The following PHF24 variants were observed in gnomAD, a reference collection of about 807,000 sequenced individuals.
PHF24 encodes the protein Galpha inhibitory interacting protein.
Under a neutral mutation model 42.6 loss-of-function variants are expected in PHF24, and 25 were observed. The observed-to-expected ratio is 0.59, with a 90% CI of 0.43 to 0.82. PHF24 has a LOEUF of 0.82. Among genes scored for constraint, PHF24 ranks in the 40% least tolerant of loss-of-function variants. The pLI, the probability that PHF24 is intolerant of heterozygous loss-of-function variation, is 0.00. For synonymous variants in PHF24, 185 were observed against 204.8 expected (o/e 0.90, Z 0.83); for missense variants, 470 against 538.1 (o/e 0.87, Z 1.25).
At chr9:34,714,507 C>T in the PHF24 span, among the ~76,000 whole-genome samples, 5 of 152,320 alleles carry the variant, frequency 3.3e-5, 1 homozygote, top group South Asian at 1.0e-3. Context: ...AGAAGCAACA[C>T]GCCAGACCGC....
At chr9:34,797,861 C>G in the PHF24 span, among the ~76,000 whole-genome samples, 6 of 152,056 alleles carry the variant, frequency 3.9e-5, no homozygotes, top group South Asian at 8.3e-4. Flanking sequence ...GGACCATGCC[C>G]TCCTCTACCC....
At chr9:34,697,228 T>C in the PHF24 span, among the ~76,000 whole-genome samples, 2 of 152,352 alleles carry the variant, frequency 1.3e-5, no homozygotes, top group South Asian at 2.1e-4. Flanking sequence ...CAAACTTTAA[T>C]GTGTGCATGA....
At chr9:34,805,082 A>G in the PHF24 span, among the ~76,000 whole-genome samples, 1 of 152,198 alleles carries the variant, frequency 6.6e-6, no homozygotes, top group Admixed American at 6.5e-5. Context: ...GTATGGATAT[A>G]CCATATTTTG....
chr9:34,937,088 G>T, the PHF24 span, among the ~76,000 whole-genome samples: 3 of 116,030 alleles, frequency 2.6e-5, no homozygotes, highest in Non-Finnish European at 5.5e-5. Flanking sequence ...CCTCTGCCCC[G>T]GCCGCCCCTA....
At chr9:34,919,116 T>C in the PHF24 span, among the ~76,000 whole-genome samples, 168 of 152,354 alleles carry the variant, frequency 1.1e-3, no homozygotes, top group Admixed American at 2.2e-3. Flanking sequence ...CAGACAGTGC[T>C]GAAAGTTCCC....
chr9:34,806,787 G>A, the PHF24 span, among the ~76,000 whole-genome samples: 1,715 of 152,182 alleles, frequency 0.011, 34 homozygotes, highest in African/African-American at 0.037. Flanking sequence ...AAACTTATTC[G>A]TAAGTATTTT....
the PHF24 span, among the ~76,000 whole-genome samples, chr9:34,849,657 G>C: frequency 6.6e-6 from 1 of 152,136 alleles, no homozygotes; most frequent in African/African-American, 2.4e-5. Flanking sequence ...ATATTAGCTG[G>C]TTATTTTGCT....
the PHF24 span, among the ~76,000 whole-genome samples, chr9:34,797,501 G>A: frequency 1.3e-5 from 2 of 152,126 alleles, no homozygotes; most frequent in African/African-American, 4.8e-5. Flanking sequence ...GTTCTCCCCC[G>A]GAGTCGGGCA....
At chr9:34,746,776 C>A in the PHF24 span, among the ~76,000 whole-genome samples, 1 of 152,074 alleles carries the variant, frequency 6.6e-6, no homozygotes, top group Non-Finnish European at 1.5e-5. Flanking sequence ...AATAATAAAC[C>A]TTTTTATACC....
At chr9:34,854,202 T>TTTTC in the PHF24 span, among the ~76,000 whole-genome samples, 1 of 151,306 alleles carries the variant, frequency 6.6e-6, no homozygotes, top group Admixed American at 6.6e-5. Flanking sequence ...ATCTATTTTT[T>TTTTC]TTTTTTTTTC....
At chr9:34,928,996 G>A in the PHF24 span, among the ~76,000 whole-genome samples, 16 of 152,226 alleles carry the variant, frequency 1.1e-4, no homozygotes, top group African/African-American at 3.9e-4. Context: ...CATGATTTCA[G>A]CAGCACTCCC....
exon 2 of PHF24, chr9:34,971,538 G>A (rs760178974): frequency 1.2e-6 from 2 of 1,614,188 alleles, no homozygotes; most frequent in East Asian, 2.2e-5. Context: ...CAGCCTGGGA[G>A]CGGCTCCGAG....
exon 3 of PHF24, chr9:34,972,424 G>A: frequency 6.2e-7 from 1 of 1,614,138 alleles, no homozygotes; most frequent in Non-Finnish European, 8.5e-7. Context: ...CTGCACCAGG[G>A]TTTTCCATGA....
At chr9:34,918,619 T>C in the PHF24 span, among the ~76,000 whole-genome samples, 20 of 152,320 alleles carry the variant, frequency 1.3e-4, no homozygotes, top group African/African-American at 3.6e-4. Flanking sequence ...GCAGTGGTTA[T>C]TTTGGTAAGT....
chr9:34,937,041 C>CGA, the PHF24 span, among the ~76,000 whole-genome samples: 1 of 128,426 alleles, frequency 7.8e-6, no homozygotes, highest in African/African-American at 2.8e-5. Flanking sequence ...TCAGCCCCCC[C>CGA]CCCGGGCCAG....
chr9:34,759,091 C>T, the PHF24 span, among the ~76,000 whole-genome samples: 1 of 152,136 alleles, frequency 6.6e-6, no homozygotes, highest in African/African-American at 2.4e-5. Context: ...GACACAAATG[C>T]CAGGTGTTTC....
At chr9:34,965,620 A>G (rs1029607539) in intron 1 of PHF24, among the ~76,000 whole-genome samples, 2 of 152,222 alleles carry the variant, frequency 1.3e-5, no homozygotes, top group African/African-American at 4.8e-5. Flanking sequence ...GACCATGGAG[A>G]TAGCTTCATA....
chr9:34,974,024 T>C (rs1563934844), intron 3 of PHF24, among the ~76,000 whole-genome samples: 1 of 152,146 alleles, frequency 6.6e-6, no homozygotes, highest in Non-Finnish European at 1.5e-5. Flanking sequence ...TTTCTTTTTA[T>C]GAGACAGGGT....
chr9:34,962,357 C>CTT (rs113570241), intron 1 of PHF24, among the ~76,000 whole-genome samples: 8 of 143,516 alleles, frequency 5.6e-5, no homozygotes, highest in African/African-American at 2.0e-4. Flanking sequence ...TCCTGGAATG[C>CTT]TTTTTTTTTT....
Sources: gnomAD v4.1 joint callset for allele counts (sites outside exome capture counted in the v4.1 genomes callset) on GRCh38, gnomAD v4.1.1 for gene constraint, MANE v1.5 for transcripts, NCBI Gene and HGNC (gene_info 2026-07-23, HGNC 2026-07-21) for gene names.